The following GNB5 variants were observed in gnomAD, a reference collection of about 807,000 sequenced individuals.
GNB5 encodes the protein guanine nucleotide-binding protein subunit beta-5.
A neutral mutation model predicts 55.3 loss-of-function variants in GNB5; 37 were observed. The ratio of observed to expected loss-of-function variants is 0.67; its 90% CI spans 0.51 to 0.88. The LOEUF (loss-of-function observed/expected upper bound fraction) is 0.88. GNB5 is among the 40% of genes least tolerant of loss of function. The pLI, the probability that GNB5 is intolerant of heterozygous loss-of-function variation, is 0.00. For missense variants in GNB5, 476 were observed against 515.3 expected (o/e 0.92, Z 0.74); for synonymous variants, 219 against 198.5 (o/e 1.10, Z -0.87).
intron 3 of GNB5, among the ~76,000 whole-genome samples, chr15:52,156,192 C>T (rs1312548458): frequency 1.3e-5 from 2 of 152,194 alleles, no homozygotes; most frequent in Admixed American, 6.5e-5. Flanking sequence ...TGACTTTGAT[C>T]TTCAAATTGT....
chr15:52,146,045 C>T (rs150700828), intron 6 of GNB5, among the ~76,000 whole-genome samples: 2,400 of 151,366 alleles, frequency 0.016, 76 homozygotes, highest in African/African-American at 0.055. Flanking sequence ...CAAGCTCCGC[C>T]TCCTGGGTTC....
intron 3 of GNB5, among the ~76,000 whole-genome samples, chr15:52,167,725 A>G (rs2034477990): frequency 6.6e-6 from 1 of 152,116 alleles, no homozygotes; most frequent in East Asian, 1.9e-4. Context: ...CCTGATGAAC[A>G]TTGGTGCAAA....
At chr15:52,169,411 A>G (rs570488356) in intron 3 of GNB5, among the ~76,000 whole-genome samples, 2 of 150,668 alleles carry the variant, frequency 1.3e-5, no homozygotes, top group African/African-American at 4.9e-5. Context: ...GGTGGTGGGC[A>G]CCTGTAATCC....
In GNB5 at chr15:52,115,234, T is replaced by G. The variant is rs2033125942; in HGVS notation, c.*7523A>C. The G allele has an allele frequency of 6.6e-6, 1 of 152,240 alleles. No individual in the cohort carries two copies. The highest frequency in any genetic ancestry group is 2.1e-4 in the South Asian group (1 of 4,838). 9.4% of individuals were successfully genotyped at this position (152,240 alleles called of 1,614,324 possible). The stretch of plus-strand genomic sequence containing the variant: ...GGGTAAATGATAAATCCTCTGGAAC[T>G]GCCATTGGTAACTCAACAATGATGA... On this transcript the variant is annotated 3_prime_UTR_variant, in exon 13 of 13. Transcript: ENST00000261837.
intron 7 of GNB5, chr15:52,138,003 G>A (rs1488076883): frequency 8.0e-7 from 1 of 1,250,020 alleles, no homozygotes; most frequent in African/African-American, 1.5e-5. Flanking sequence ...TGCAACCACT[G>A]ACCACACCAC....
At chr15:52,170,429 A>T (rs1337082747) in intron 3 of GNB5, among the ~76,000 whole-genome samples, 1 of 152,212 alleles carries the variant, frequency 6.6e-6, no homozygotes, top group Non-Finnish European at 1.5e-5. Context: ...GGAAGCCATT[A>T]TCCTCAGCAA....
chr15:52,117,102 A>ATATATATATATTTTTTTT lies in GNB5; in HGVS notation c.*5654_*5655insAAAAAAAATATATATATA. The ATATATATATATTTTTTTT allele has an allele frequency of 3.4e-5, 3 of 87,100 alleles. No individual in the cohort carries two copies. The highest frequency in any genetic ancestry group is 1.8e-4 in the African/African-American group (3 of 16,418). The allele number at this position is 87,100 out of a possible 1,614,324, so 5.4% of individuals were successfully genotyped here. A position where few individuals can be genotyped will look rare whatever the true frequency, so the allele number is the denominator to read the frequency against. On this transcript the variant is annotated 3_prime_UTR_variant, in exon 13 of 13. Coordinates refer to ENST00000261837, the MANE Select transcript of GNB5 (RefSeq NM_016194.4). ...CCACGCCCAGCTAATATATATATAT[A>ATATATATATATTTTTTTT]TTTTTTTTTAGTACAGACAGGGTTT... is the stretch of plus-strand genomic sequence containing the variant.
At chr15:52,136,172 A>ACACCCCCAC (rs1168734914) in intron 7 of GNB5, among the ~76,000 whole-genome samples, 1 of 100,050 alleles carries the variant, frequency 1.0e-5, no homozygotes, top group African/African-American at 4.4e-5. Flanking sequence ...ACACACACAC[A>ACACCCCCAC]CCCTACCTGC....
chr15:52,177,650 CAAAA>C (rs112539098), intron 3 of GNB5, among the ~76,000 whole-genome samples: 6 of 92,044 alleles, frequency 6.5e-5, no homozygotes, highest in Non-Finnish European at 2.5e-5. Context: ...GACTCCGTGT[CAAAA>C]AAAAAAAAAA....
chr15:52,136,988 A>G (rs1485898855), intron 7 of GNB5: 1 of 453,978 alleles, frequency 2.2e-6, no homozygotes, highest in East Asian at 6.9e-5. Context: ...ACCAAGATTA[A>G]CAGCTTGCTC....
chr15:52,188,472 T>C (rs2034875741), intron 1 of GNB5, among the ~76,000 whole-genome samples: 1 of 152,254 alleles, frequency 6.6e-6, no homozygotes, highest in Non-Finnish European at 1.5e-5. Flanking sequence ...ATACTGTTCA[T>C]GTATACTGAT....
intron 1 of GNB5, among the ~76,000 whole-genome samples, chr15:52,189,848 A>T (rs1223753804): frequency 6.6e-6 from 1 of 152,196 alleles, no homozygotes; most frequent in African/African-American, 2.4e-5. Context: ...ATTTATATGA[A>T]GTGTACAGGA....
chr15:52,182,195 T>C (rs2034781684), intron 2 of GNB5, among the ~76,000 whole-genome samples: 2 of 152,210 alleles, frequency 1.3e-5, no homozygotes, highest in Non-Finnish European at 2.9e-5. Context: ...GCATCTGTTA[T>C]TATTACTGAG....
chr15:52,154,004 T>C lies in GNB5; in HGVS notation c.311A>G (p.His104Arg). 6.2e-7 allele frequency: 1 copy of C among 1,614,182 alleles called. No homozygotes were observed. The highest frequency in any genetic ancestry group is 1.3e-5 in the African/African-American group (1 of 75,066). The change falls in exon 4 of 13, where the codon CAC becomes CGC. Residue 104 changes from histidine (H) to arginine (R), a missense_variant. Coordinates refer to ENST00000261837, the MANE Select transcript of GNB5 (RefSeq NM_016194.4). ...GTCCATGCACAGGACTTTGTTCCCG[T>C]GGCCTTTGAGGGTCCTTCTGGTCTT... Reference protein sequence around the residue: ...VMKTRRTLKGHGNKVLCMDWC... With the variant: ...VMKTRRTLKGRGNKVLCMDWC...
chr15:52,188,788 C>T (rs532497794), intron 1 of GNB5, among the ~76,000 whole-genome samples: 1 of 152,266 alleles, frequency 6.6e-6, no homozygotes, highest in African/African-American at 2.4e-5. Flanking sequence ...CACAGAAATA[C>T]GTGTTTATTT....
Position 52,147,516 on chromosome 15 carries a change from G to C in GNB5, c.437C>G (p.Pro146Arg). Residue 146 changes from proline (P) to arginine (R), a missense_variant, in exon 6 of 13, where the codon CCC (proline) becomes CGC (arginine). Physicochemically the swap from Pro to Arg is moderately radical, Grantham distance 103. Coordinates refer to ENST00000261837, the MANE Select transcript of GNB5 (RefSeq NM_016194.4). ...TTNKEHAVTM[P>R]CTWVMACAYA... ...AGCACATGCCATCACCCACGTGCAG[G>C]GCATGGTGACCGCGTGCTCCTGAAA... The C allele has an allele frequency of 6.2e-7, 1 of 1,600,136 alleles. No individual in the cohort carries two copies. Among genetic ancestry groups the C allele is most frequent in the Non-Finnish European group, 8.6e-7 (1 of 1,169,578 alleles).
chr15:52,179,533 C>T (rs2034722351), intron 3 of GNB5, among the ~76,000 whole-genome samples: 1 of 151,810 alleles, frequency 6.6e-6, no homozygotes, highest in African/African-American at 2.4e-5. Context: ...TAGCTGGCGG[C>T]GGGGGTCGGC....
intron 6 of GNB5, among the ~76,000 whole-genome samples, chr15:52,143,421 CG>C (rs1215415860): frequency 3.9e-5 from 6 of 152,164 alleles, no homozygotes; most frequent in Admixed American, 3.9e-4. Flanking sequence ...ATCTTGGTTA[CG>C]TATTCATCTT....
At chr15:52,149,717 G>A in intron 5 of GNB5, 167 bp downstream of exon 5, 1 of 701,060 alleles carries the variant, frequency 1.4e-6, no homozygotes, top group South Asian at 1.5e-5. Context: ...GGCTGGCTGA[G>A]CTGTTCAAAC....
Sources: gnomAD v4.1 joint callset for allele counts (sites outside exome capture counted in the v4.1 genomes callset) on GRCh38, gnomAD v4.1.1 for gene constraint, MANE v1.5 for transcripts, NCBI Gene and HGNC (gene_info 2026-07-23, HGNC 2026-07-21) for gene names.